ZNF229: variants seen among roughly 807,000 people sequenced by gnomAD.
The protein encoded by ZNF229 is zinc finger protein 229.
A neutral mutation model predicts 11.8 loss-of-function variants in ZNF229; 10 were observed. The observed-to-expected ratio is 0.85, with a 90% confidence interval of 0.52 to 1.44. The LOEUF is 1.44. Among genes scored for constraint, ZNF229 ranks in the 40% most tolerant of loss-of-function variants. ZNF229 has a pLI of 0.00. For synonymous variants in ZNF229, 368 were observed against 374.8 expected (o/e 0.98, Z 0.21); for missense variants, 1,045 against 1,015.1 (o/e 1.03, Z -0.40).
chr19:44,429,661 T>A lies in ZNF229; in HGVS notation c.1120A>T (p.Arg374Trp). The A allele has an allele frequency of 1.2e-6, 2 of 1,614,072 alleles. No homozygotes were observed. Among genetic ancestry groups the A allele is most frequent in the South Asian group, 2.2e-5 (2 of 91,082 alleles). ...CACTCCTCACATTTATAGGGTCTCC[T>A]TCCTGTGTGCACCCCTTGATGAATA... is the stretch of plus-strand genomic sequence containing the variant. ...LLIHQGVHTG[R>W]RPYKCEECGK... is the part of the protein sequence containing the mutation. Residue 374 changes from arginine to tryptophan, a missense_variant, in exon 6 of 6, where the codon AGG becomes TGG. Physicochemically the swap from Arg to Trp is moderately radical, Grantham distance 101. Coordinates refer to ENST00000614049, the MANE Select transcript of ZNF229 (RefSeq NM_014518.4).
intron 4 of ZNF229, among the ~76,000 whole-genome samples, chr19:44,439,732 C>T (rs1445008834): frequency 6.6e-6 from 1 of 152,142 alleles, no homozygotes; most frequent in African/African-American, 2.4e-5. Flanking sequence ...GTGTGAGCCA[C>T]CATGCCCAGC....
rs764715674 is a variant in ZNF229, at chr19:44,429,431, T to C, written c.1350A>G (p.Lys450=). The C allele has an allele frequency of 1.9e-6, 3 of 1,613,560 alleles. No individual in the cohort carries two copies. The highest frequency in any genetic ancestry group is 2.5e-6 in the Non-Finnish European group (3 of 1,179,914). ...TTTCTCCAGGGTGAATGTGCTGGTG[T>C]TTGTGCAGTGCAGACTTGGCACAGA... The part of the protein sequence containing the change: ...KGFCAKSALH[K]HQHIHPGEKP... Residue 450 remains lysine, a synonymous_variant, in exon 6 of 6, where the codon AAA becomes AAG. Transcript: ENST00000614049.
intron 4 of ZNF229, among the ~76,000 whole-genome samples, chr19:44,437,210 A>T (rs1465073532): frequency 6.6e-6 from 1 of 152,160 alleles, no homozygotes; most frequent in Non-Finnish European, 1.5e-5. Flanking sequence ...TGACTTTTTG[A>T]TTAATCTGAG....
Position 44,442,596 on chromosome 19 carries a change from A to G in ZNF229, c.60T>C (p.Ile20=), listed in dbSNP as rs894431536. 1.2e-6 allele frequency: 2 copies of G among 1,614,106 alleles called. No individual in the cohort carries two copies. Among genetic ancestry groups the G allele is most frequent in the Non-Finnish European group, 1.7e-6 (2 of 1,180,018 alleles). The change falls in exon 4 of 6, where the codon ATT becomes ATC. Residue 20 remains isoleucine (I), a synonymous_variant. Transcript: ENST00000614049. ...KRALHSQASA[I]SQDREEKIMS... is the part of the protein sequence containing the mutation. ...TGATCTTCTCCTCCCTATCTTGGGA[A>G]ATGGCTGAGGCTTGAGAATGAAGAG...
chr19:44,430,946 T>G (rs998208518), intron 5 of ZNF229, among the ~76,000 whole-genome samples: 3 of 152,162 alleles, frequency 2.0e-5, no homozygotes, highest in Non-Finnish European at 2.9e-5. Flanking sequence ...AACCATTATA[T>G]TACCTTCATT....
chr19:44,430,128 T>C lies in ZNF229; in HGVS notation c.653A>G (p.Asp218Gly), dbSNP rs1218196830. The C allele has an allele frequency of 6.2e-7, 1 of 1,614,024 alleles. No individual in the cohort carries two copies. The highest frequency in any genetic ancestry group is 8.5e-7 in the Non-Finnish European group (1 of 1,180,048). ...TEDTVYKCNW[D>G]DDSFCWISCH... is the part of the protein sequence containing the mutation. Reference sequence around the variant, plus strand: ...AGATATCCAGCAAAAGCTGTCATCATCCCAGTTACATTTATATACTGTGTC... The same window carrying C: ...AGATATCCAGCAAAAGCTGTCATCACCCCAGTTACATTTATATACTGTGTC... Residue 218 changes from aspartate (D) to glycine (G), a missense_variant, in exon 6 of 6, where the codon GAT (aspartate) becomes GGT (glycine). By Grantham distance (94) the Asp-to-Gly change is moderately conservative. Coordinates refer to ENST00000614049, the MANE Select transcript of ZNF229 (RefSeq NM_014518.4).
chr19:44,428,398 G>GCTT lies in ZNF229; in HGVS notation c.2380_2382dup (p.Lys794dup). ...TTCCCACACACACCACACGTATAGGGCTTCTCTCCAGTGTGGACTCTCTGA... is the reference window on the plus strand; with the variant it reads ...TTCCCACACACACCACACGTATAGGGCTTCTTCTCTCCAGTGTGGACTCTCTGA... On this transcript the variant is annotated inframe_insertion, in exon 6 of 6. Coordinates refer to ENST00000614049, the MANE Select transcript of ZNF229 (RefSeq NM_014518.4). 6.2e-7 allele frequency: 1 copy of GCTT among 1,614,092 alleles called. No homozygotes were observed. The highest frequency in any genetic ancestry group is 1.1e-5 in the South Asian group (1 of 91,070).
chr19:44,447,326 C>A (rs1972019531), intron 2 of ZNF229, among the ~76,000 whole-genome samples, 187 bp downstream of exon 2: 3 of 152,148 alleles, frequency 2.0e-5, no homozygotes. Flanking sequence ...CAGTGACACA[C>A]TACTAGGAGC....
At chr19:44,443,091 C>T (rs2123379910) in intron 2 of ZNF229, 67 bp from the exon 3 acceptor site, 1 of 584,406 alleles carries the variant, frequency 1.7e-6, no homozygotes, top group Admixed American at 3.0e-5. Flanking sequence ...GTTCACATCC[C>T]CTGGATACTA....
chr19:44,430,542 C>T lies in ZNF229; in HGVS notation c.239G>A (p.Gly80Glu). ...CTCCGTATCCTTTCCATTCTTGTCT[C>T]CTATGAGGTTAAAGACAATTCAGAG... Reference protein sequence around the residue: ...LLSVGERNPLGDKNGKDTEYI... With the variant: ...LLSVGERNPLEDKNGKDTEYI... Residue 80 changes from glycine (G) to glutamate (E), a missense_variant and splice_region_variant, in exon 6 of 6, where the codon GGA becomes GAA. By Grantham distance (98) the Gly-to-Glu change is moderately conservative. Transcript: ENST00000614049. 1 of 1,609,696 alleles carries T rather than the reference C, an allele frequency of 6.2e-7. No homozygotes were observed. The highest frequency in any genetic ancestry group is 8.5e-7 in the Non-Finnish European group (1 of 1,177,754).
At chr19:44,430,837 G>A (rs1043337346) in intron 5 of ZNF229, among the ~76,000 whole-genome samples, 2 of 152,138 alleles carry the variant, frequency 1.3e-5, no homozygotes, top group African/African-American at 4.8e-5. Context: ...TAATAATGCT[G>A]TTATAACTAA....
At chr19:44,446,044 A>G (rs1971998201) in intron 2 of ZNF229, among the ~76,000 whole-genome samples, 1 of 152,214 alleles carries the variant, frequency 6.6e-6, no homozygotes, top group Admixed American at 6.5e-5. Flanking sequence ...CATAATGAAT[A>G]TCTACTGTGT....
At chr19:44,444,848 T>A (rs1413047789) in intron 2 of ZNF229, among the ~76,000 whole-genome samples, 2 of 152,124 alleles carry the variant, frequency 1.3e-5, no homozygotes, top group Non-Finnish European at 2.9e-5. Flanking sequence ...GGTAAAAATT[T>A]TCCTTGTGCT....
chr19:44,436,528 C>T (rs941617902), intron 4 of ZNF229, among the ~76,000 whole-genome samples: 1 of 152,162 alleles, frequency 6.6e-6, no homozygotes, highest in Non-Finnish European at 1.5e-5. Flanking sequence ...TGCCGGTCAT[C>T]CCAGCACTTT....
At chr19:44,445,498 C>T (rs1299332304) in intron 2 of ZNF229, among the ~76,000 whole-genome samples, 20 of 152,338 alleles carry the variant, frequency 1.3e-4, no homozygotes, top group East Asian at 1.9e-4. Flanking sequence ...CTGTTCTTCA[C>T]ATGCCCTCAT....
At chr19:44,430,573 A>C in intron 5 of ZNF229, 31 bp from the exon 6 acceptor site, 1 of 1,575,224 alleles carries the variant, frequency 6.3e-7, no homozygotes, top group Non-Finnish European at 8.6e-7. Context: ...CAGAGATGAG[A>C]ACTAGTAAAA....
intron 3 of ZNF229, 87 bp downstream of exon 3, chr19:44,442,727 C>T: frequency 6.2e-7 from 1 of 1,603,044 alleles, no homozygotes. Context: ...TTTCTTCTCA[C>T]TTGAGGAAAT....
rs778421395 is a variant in ZNF229 at position 44,428,391 on chromosome 19, G to A, written c.2390C>T (p.Thr797Met). 49 of 1,613,892 alleles carry A rather than the reference G, an allele frequency of 3.0e-5. No individual in the cohort carries two copies. The East Asian group carries it at 5.8e-4, about 19-fold the overall frequency. ...GAAGCCTTTCCCACACACACCACACGTATAGGGCTTCTCTCCAGTGTGGAC... is the reference window on the plus strand; with the variant it reads ...GAAGCCTTTCCCACACACACCACACATATAGGGCTTCTCTCCAGTGTGGAC... The part of the protein sequence containing the change: ...QRVHTGEKPY[T>M]CGVCGKGFSY... Residue 797 changes from threonine (T) to methionine (M), a missense_variant, in exon 6 of 6, where the codon ACG (threonine) becomes ATG (methionine). Coordinates refer to ENST00000614049, the MANE Select transcript of ZNF229 (RefSeq NM_014518.4).
In ZNF229 at chr19:44,429,499, T is replaced by G; in HGVS notation, c.1282A>C (p.Thr428Pro). The change falls in exon 6 of 6, where the codon ACA (threonine) becomes CCA (proline). Residue 428 changes from threonine (T) to proline (P), a missense_variant. By Grantham distance (38) the Thr-to-Pro change is conservative. Transcript: ENST00000614049. ...SVLQVHQRLHTGEKPYTCSEC... is the reference protein window; with the variant it reads ...SVLQVHQRLHPGEKPYTCSEC... ...CTGCAGGTGTAGGGCTTCTCCCCTG[T>G]GTGCAGCCTCTGATGGACTTGAAGC... 6.2e-7 allele frequency: 1 copy of G among 1,612,194 alleles called. No individual in the cohort carries two copies. The highest frequency in any genetic ancestry group is 8.5e-7 in the Non-Finnish European group (1 of 1,178,668).
Sources: gnomAD v4.1 joint callset for allele counts (sites outside exome capture counted in the v4.1 genomes callset) on GRCh38, gnomAD v4.1.1 for gene constraint, MANE v1.5 for transcripts, NCBI Gene and HGNC (gene_info 2026-07-23, HGNC 2026-07-21) for gene names.